PATJ: variants seen among roughly 807,000 people sequenced by gnomAD.
PATJ encodes PATJ crumbs cell polarity complex component, also known as inaD-like protein.
A neutral mutation model predicts 224.9 loss-of-function variants in PATJ; 190 were observed. The ratio of observed to expected loss-of-function variants is 0.84; its 90% CI spans 0.75 to 0.95. The LOEUF (loss-of-function observed/expected upper bound fraction) is 0.95, where lower values mean the gene tolerates loss of function less well. PATJ is among the 40% of genes least tolerant of loss of function. PATJ has a pLI of 0.00. For missense variants in PATJ, 2,121 were observed against 2,270.3 expected (o/e 0.93, Z 1.34); for synonymous variants, 769 against 820.3 (o/e 0.94, Z 1.07).
intron 29 of PATJ, among the ~76,000 whole-genome samples, chr1:62,026,486 G>A (rs1570156748): frequency 1.2e-5 from 1 of 83,672 alleles, no homozygotes; most frequent in African/African-American, 6.0e-5. Flanking sequence ...GTGTGTGTGT[G>A]TCTGTGTGTG....
At chr1:61,815,414 G>T (rs1227370431) in intron 14 of PATJ, among the ~76,000 whole-genome samples, 1 of 152,180 alleles carries the variant, frequency 6.6e-6, no homozygotes, top group Admixed American at 6.5e-5. Flanking sequence ...TTTGAGCAGG[G>T]TTTTGTCTAT....
At chr1:61,978,736 G>T (rs1158591796) in intron 27 of PATJ, among the ~76,000 whole-genome samples, 1 of 151,988 alleles carries the variant, frequency 6.6e-6, no homozygotes, top group African/African-American at 2.4e-5. Flanking sequence ...ATGTATAGAA[G>T]AGTGTTTTTA....
At chr1:62,046,091 A>G (rs1652497563) in intron 30 of PATJ, among the ~76,000 whole-genome samples, 2 of 152,080 alleles carry the variant, frequency 1.3e-5, no homozygotes, top group African/African-American at 2.4e-5. Flanking sequence ...AGTCCCAGCT[A>G]CTTGGGAGGC....
intron 29 of PATJ, among the ~76,000 whole-genome samples, chr1:62,037,743 CTT>C (rs1439778216): frequency 1.3e-5 from 2 of 152,164 alleles, no homozygotes; most frequent in African/African-American, 4.8e-5. Context: ...CATCATCACT[CTT>C]TGTCACTAAT....
intron 14 of PATJ, among the ~76,000 whole-genome samples, chr1:61,813,410 T>G (rs1037537593): frequency 6.9e-6 from 1 of 145,304 alleles, no homozygotes; most frequent in Non-Finnish European, 1.5e-5. Flanking sequence ...TACACACATA[T>G]ACATATTTGT....
intron 18 of PATJ, among the ~76,000 whole-genome samples, chr1:61,857,854 C>T (rs1663936653): frequency 2.6e-5 from 4 of 152,170 alleles, no homozygotes. Flanking sequence ...TTCTCTAAGC[C>T]TATTTTTTTC....
chr1:62,050,984 C>T lies in PATJ; in HGVS notation c.4051C>T (p.Pro1351Ser), dbSNP rs373707975. 3.2e-5 allele frequency: 52 copies of T among 1,613,684 alleles called. No homozygotes were observed. Among genetic ancestry groups the T allele is most frequent in the Non-Finnish European group, 4.2e-5 (49 of 1,179,744 alleles). ...TCCATAGGATCAGAGCGGCACCGAA[C>T]CTATTAGTAGTGAGGAAGATGGCAG... ...SSIEDQSGTE[P>S]ISSEEDGSVE... Residue 1351 changes from proline to serine, a missense_variant, in exon 31 of 44, where the codon CCT becomes TCT. Physicochemically the swap from Pro to Ser is moderately conservative, Grantham distance 74. Coordinates refer to ENST00000642238, the MANE Select transcript of PATJ (RefSeq NM_001350145.3).
intron 16 of PATJ, 40 bp from the exon 17 acceptor site, chr1:61,833,614 G>A (rs1288339191): frequency 1.3e-6 from 2 of 1,574,534 alleles, no homozygotes; most frequent in South Asian, 1.2e-5. Flanking sequence ...AGAATTGAAA[G>A]CATAGTGTTT....
intron 28 of PATJ, among the ~76,000 whole-genome samples, chr1:62,006,423 A>C (rs1277079435): frequency 1.3e-5 from 2 of 152,196 alleles, no homozygotes; most frequent in Non-Finnish European, 2.9e-5. Flanking sequence ...GCCCAGTATA[A>C]ATTTCTATTC....
chr1:61,964,418 T>G (rs897181977), intron 27 of PATJ, among the ~76,000 whole-genome samples: 1 of 152,180 alleles, frequency 6.6e-6, no homozygotes, highest in Non-Finnish European at 1.5e-5. Context: ...TTCTCGACTA[T>G]TCTTAAAATA....
chr1:62,128,420 T>C (rs1157190616), intron 40 of PATJ: 2 of 282,852 alleles, frequency 7.1e-6, no homozygotes, highest in Admixed American at 9.4e-5. Flanking sequence ...CTTCCCTCAA[T>C]CAAAAGAATC....
intron 34 of PATJ, among the ~76,000 whole-genome samples, chr1:62,111,366 A>G (rs1229043344): frequency 2.0e-5 from 3 of 152,230 alleles, no homozygotes; most frequent in Non-Finnish European, 4.4e-5. Context: ...ATTGGCCTAA[A>G]GTAGCAGTGA....
intron 26 of PATJ, among the ~76,000 whole-genome samples, chr1:61,915,794 T>A (rs1336034574): frequency 6.6e-6 from 1 of 151,968 alleles, no homozygotes; most frequent in Non-Finnish European, 1.5e-5. Context: ...CCTCCTGGGT[T>A]CAAGGGATTC....
intron 28 of PATJ, among the ~76,000 whole-genome samples, chr1:61,990,722 T>C (rs1645013993): frequency 6.6e-6 from 1 of 152,174 alleles, no homozygotes; most frequent in Non-Finnish European, 1.5e-5. Context: ...TAGTCATACA[T>C]GTAACTGTTG....
At chr1:61,895,490 C>T (rs12140462) in intron 22 of PATJ, among the ~76,000 whole-genome samples, 2 of 152,224 alleles carry the variant, frequency 1.3e-5, no homozygotes, top group South Asian at 4.1e-4. Flanking sequence ...GGCTAAAAGG[C>T]GCCAAGGTAC....
At chr1:61,931,028 A>G (rs1262795768) in intron 27 of PATJ, among the ~76,000 whole-genome samples, 1 of 151,904 alleles carries the variant, frequency 6.6e-6, no homozygotes, top group Non-Finnish European at 1.5e-5. Flanking sequence ...TTTTGTACAG[A>G]TGGAATCTTG....
chr1:62,002,056 G>T (rs1000469120), intron 28 of PATJ, among the ~76,000 whole-genome samples: 3 of 152,132 alleles, frequency 2.0e-5, no homozygotes, highest in Non-Finnish European at 4.4e-5. Context: ...GGAAGCTGGG[G>T]ATGCGGGTGA....
intron 41 of PATJ, among the ~76,000 whole-genome samples, chr1:62,131,207 A>C (rs1400414810): frequency 6.6e-6 from 1 of 152,120 alleles, no homozygotes. Context: ...GGAAACCTAC[A>C]CAGTTAACTG....
At chr1:62,148,120 T>A (rs200954901) in intron 41 of PATJ, among the ~76,000 whole-genome samples, 164 bp from the exon 42 acceptor site, 1 of 108,498 alleles carries the variant, frequency 9.2e-6, no homozygotes, top group African/African-American at 3.4e-5. Flanking sequence ...GACACTGTCT[T>A]TAAAAAAAAA....
Sources: gnomAD v4.1 joint callset for allele counts (sites outside exome capture counted in the v4.1 genomes callset) on GRCh38, gnomAD v4.1.1 for gene constraint, MANE v1.5 for transcripts, NCBI Gene and HGNC (gene_info 2026-07-23, HGNC 2026-07-21) for gene names.